Variants in UNC13C observed in about 807,000 individuals in gnomAD.
The protein encoded by UNC13C is unc-13 homolog C, also known as protein unc-13 homolog C.
In UNC13C, 174 loss-of-function variants were observed where a neutral mutation model predicts 245.4. The ratio of observed to expected loss-of-function variants is 0.71; its 90% CI spans 0.63 to 0.80. UNC13C has a LOEUF of 0.80. UNC13C is among the 30% of genes least tolerant of loss of function. The pLI is 0.00. For missense variants in UNC13C, 2,829 were observed against 2,602.9 expected (o/e 1.09, Z -1.89); for synonymous variants, 992 against 895.1 (o/e 1.11, Z -1.93).
At chr15:54,152,132 C>T (rs571417271) in intron 4 of UNC13C, among the ~76,000 whole-genome samples, 6 of 152,202 alleles carry the variant, frequency 3.9e-5, no homozygotes, top group Non-Finnish European at 7.3e-5. Flanking sequence ...TCAACATAAG[C>T]TTAAGCATAG....
intron 14 of UNC13C, among the ~76,000 whole-genome samples, chr15:54,331,361 T>C (rs2038430713): frequency 6.6e-6 from 1 of 152,102 alleles, no homozygotes; most frequent in Non-Finnish European, 1.5e-5. Flanking sequence ...AGAAAAGCTC[T>C]TTATTCTCAC....
chr15:53,981,816 G>T (rs1462645387), intron 1 of UNC13C, among the ~76,000 whole-genome samples: 1 of 152,144 alleles, frequency 6.6e-6, no homozygotes, highest in African/African-American at 2.4e-5. Flanking sequence ...CCCCAGAGGA[G>T]AAGTAGACAA....
chr15:53,903,602 C>T, the UNC13C span, among the ~76,000 whole-genome samples: 45 of 152,272 alleles, frequency 3.0e-4, no homozygotes, highest in African/African-American at 1.1e-3. Context: ...CGAGAATTCC[C>T]ATAATCTCCA....
At chr15:54,492,292 G>T (rs1893750084) in intron 19 of UNC13C, among the ~76,000 whole-genome samples, 1 of 151,938 alleles carries the variant, frequency 6.6e-6, no homozygotes, top group African/African-American at 2.4e-5. Flanking sequence ...TTTTTCTAAA[G>T]TACCCAAAAT....
At chr15:54,025,379 T>G (rs1418295740) in intron 2 of UNC13C, among the ~76,000 whole-genome samples, 1 of 152,246 alleles carries the variant, frequency 6.6e-6, no homozygotes, top group Non-Finnish European at 1.5e-5. Context: ...TAACATTTAT[T>G]AATTCCTTTC....
chr15:54,626,163 A>AGTTGGC (rs1555404162), intron 32 of UNC13C, among the ~76,000 whole-genome samples: 3 of 151,152 alleles, frequency 2.0e-5, no homozygotes, highest in African/African-American at 7.3e-5. Context: ...CCATATCACC[A>AGTTGGC]CTTGGCCTTC....
chr15:54,013,847 T>C lies in UNC13C; in HGVS notation c.944T>C (p.Met315Thr), dbSNP rs902739820. ...IHDYIKHLGH[M>T]GSKASLRFLN... is the part of the protein sequence containing the mutation. ...GATTATATTAAGCACTTAGGTCATA[T>C]GGGTAGCAAGGCAAGCCTGAGATTT... The change falls in exon 2 of 33, where the codon ATG becomes ACG. Residue 315 changes from methionine (M) to threonine (T), a missense_variant. By Grantham distance (81) the Met-to-Thr change is moderately conservative (BLOSUM62 -1). Coordinates refer to ENST00000260323, the MANE Select transcript of UNC13C (RefSeq NM_001080534.3). 3.1e-6 allele frequency: 5 copies of C among 1,613,504 alleles called. No individual in the cohort carries two copies. Among genetic ancestry groups the C allele is most frequent in the Non-Finnish European group, 4.2e-6 (5 of 1,179,706 alleles).
chr15:53,923,474 T>A, the UNC13C span, among the ~76,000 whole-genome samples: 2 of 152,196 alleles, frequency 1.3e-5, no homozygotes, highest in Non-Finnish European at 2.9e-5. Flanking sequence ...ATGAAGAGGA[T>A]TGTGATAACT....
At chr15:54,216,080 G>C (rs1310514781) in intron 4 of UNC13C, among the ~76,000 whole-genome samples, 1 of 151,882 alleles carries the variant, frequency 6.6e-6, no homozygotes, top group Non-Finnish European at 1.5e-5. Flanking sequence ...GAGGATGTGA[G>C]GATGAGAGAC....
chr15:54,556,654 G>GT (rs1288545805), intron 29 of UNC13C, among the ~76,000 whole-genome samples: 1 of 151,860 alleles, frequency 6.6e-6, no homozygotes, highest in Non-Finnish European at 1.5e-5. Flanking sequence ...AACTTTAAAA[G>GT]TTTTTTTAAA....
chr15:54,241,783 G>A (rs111741328), intron 7 of UNC13C, among the ~76,000 whole-genome samples: 2,052 of 152,224 alleles, frequency 0.013, 42 homozygotes, highest in Non-Finnish European at 0.019. Context: ...ACTTGTGATC[G>A]GGGCTGCAGA....
At chr15:54,577,176 A>T (rs1897988826) in intron 30 of UNC13C, among the ~76,000 whole-genome samples, 1 of 149,816 alleles carries the variant, frequency 6.7e-6, no homozygotes, top group Admixed American at 6.7e-5. Flanking sequence ...AAAGGGGCAT[A>T]TAAAATTAGA....
At chr15:54,590,188 A>G (rs969789783) in intron 30 of UNC13C, among the ~76,000 whole-genome samples, 4 of 152,160 alleles carry the variant, frequency 2.6e-5, no homozygotes, top group African/African-American at 7.2e-5. Flanking sequence ...TTTGGTGACT[A>G]TGGCCTTATA....
At chr15:54,524,658 C>T (rs993289887) in intron 24 of UNC13C, among the ~76,000 whole-genome samples, 4 of 152,088 alleles carry the variant, frequency 2.6e-5, no homozygotes, top group Non-Finnish European at 4.4e-5. Flanking sequence ...GGTTCTGTAT[C>T]GGCTCCCAGG....
chr15:54,120,674 G>A (rs2030604506), intron 2 of UNC13C, among the ~76,000 whole-genome samples: 1 of 151,900 alleles, frequency 6.6e-6, no homozygotes, highest in Admixed American at 6.6e-5. Context: ...AAACCTTCTG[G>A]AAAGGATTCG....
intron 19 of UNC13C, among the ~76,000 whole-genome samples, chr15:54,477,807 G>A (rs1357375119): frequency 6.7e-6 from 1 of 149,018 alleles, no homozygotes; most frequent in Non-Finnish European, 1.5e-5. Flanking sequence ...TTGGTATCAG[G>A]ATGATGCTGG....
chr15:54,421,812 T>A (rs113872993), intron 19 of UNC13C, among the ~76,000 whole-genome samples: 323 of 152,206 alleles, frequency 2.1e-3, no homozygotes, highest in African/African-American at 7.2e-3. Context: ...AATATTCATT[T>A]AATTTTTCAT....
Position 54,077,376 on chromosome 15 carries a change from C to CTTTTTTTTTTTTTT in UNC13C, c.2983+61497_2983+61510dup. On this transcript the variant is annotated intron_variant, in intron 2 of 32. Coordinates refer to ENST00000260323, the MANE Select transcript of UNC13C (RefSeq NM_001080534.3). ...TTTTCCTTTTCTTTTCTTTTCTTTT[C>CTTTTTTTTTTTTTT]TTTTTTTTTTTTTTTTTTTTGAGAC... Among the ~76,000 whole-genome samples, 79 of 62,726 alleles carry CTTTTTTTTTTTTTT rather than the reference C, an allele frequency of 1.3e-3. 7 individuals are homozygous for CTTTTTTTTTTTTTT. Among genetic ancestry groups the CTTTTTTTTTTTTTT allele is most frequent in the East Asian group, 2.0e-3 (4 of 2,042 alleles). The allele number at this position is 62,726 out of a possible 152,430, so 41.2% of individuals were successfully genotyped here. A position where few individuals can be genotyped will look rare whatever the true frequency, so the allele number is the denominator to read the frequency against.
chr15:54,150,307 T>C (rs2032458375), intron 4 of UNC13C, among the ~76,000 whole-genome samples: 1 of 152,226 alleles, frequency 6.6e-6, no homozygotes, highest in South Asian at 2.1e-4. Flanking sequence ...TTGGCCAGTG[T>C]TGGGCACAAT....
Sources: gnomAD v4.1 joint callset for allele counts (sites outside exome capture counted in the v4.1 genomes callset) on GRCh38, gnomAD v4.1.1 for gene constraint, MANE v1.5 for transcripts, NCBI Gene and HGNC (gene_info 2026-07-23, HGNC 2026-07-21) for gene names.